IL10RA: variants seen among roughly 807,000 people sequenced by gnomAD.
The protein encoded by IL10RA is interleukin-10 receptor subunit alpha.
In IL10RA, 18 loss-of-function variants were observed where a neutral mutation model predicts 29.6. The ratio of observed to expected loss-of-function variants is 0.61; its 90% CI spans 0.42 to 0.90. The LOEUF is 0.90. IL10RA is among the 40% of genes least tolerant of loss of function. The pLI is 0.00. For missense variants in IL10RA, 634 were observed against 716.6 expected, an observed-to-expected ratio of 0.88 and a Z score of 1.32; for synonymous variants, 292 against 294.1, an observed-to-expected ratio of 0.99 and a Z score of 0.07.
chr11:117,986,467 G>C lies in IL10RA; in HGVS notation c.-1G>C. On this transcript the variant is annotated 5_prime_UTR_variant, in exon 1 of 7. Transcript: ENST00000227752. ...GCCCCGGACGATGCGGCGCGCCCAG[G>C]ATGCTGCCGTGCCTCGTAGTGCTGC... 6.4e-7 allele frequency: 1 copy of C among 1,553,352 alleles called. No individual in the cohort carries two copies. The highest frequency in any genetic ancestry group is 1.9e-5 in the Admixed American group (1 of 51,706).
chr11:117,993,488 C>A, intron 4 of IL10RA, 78 bp downstream of exon 4: 1 of 1,324,462 alleles, frequency 7.6e-7, no homozygotes, highest in Non-Finnish European at 1.1e-6. Context: ...CCCTTGTGTG[C>A]CATTGGGAAC....
intron 6 of IL10RA, among the ~76,000 whole-genome samples, chr11:117,997,419 C>A (rs565241971): frequency 6.6e-6 from 1 of 152,240 alleles, no homozygotes; most frequent in African/African-American, 2.4e-5. Flanking sequence ...GTCAGGGTGA[C>A]AAAGCTGATA....
Position 117,989,334 on chromosome 11 carries a change from C to T in IL10RA, c.189-108C>T, listed in dbSNP as rs1231885745. On this transcript the variant is annotated intron_variant, in intron 2 of 6. Coordinates refer to ENST00000227752, the MANE Select transcript of IL10RA (RefSeq NM_001558.4). This position sits in a 1 kb window ranked among gnomAD's most constrained non-coding sequence, Gnocchi z 4.5. ...AGAGGATATAGCCTGAGGGCTGTCCCAGTTTCTCCCAATGTGGGAGCTCTC... is the reference window on the plus strand; with the variant it reads ...AGAGGATATAGCCTGAGGGCTGTCCTAGTTTCTCCCAATGTGGGAGCTCTC... 2.0e-6 allele frequency: 2 copies of T among 994,078 alleles called. No homozygotes were observed. The highest frequency in any genetic ancestry group is 3.2e-5 in the African/African-American group (2 of 62,954). 61.6% of individuals were successfully genotyped at this position (994,078 alleles called of 1,614,324 possible). A position where few individuals can be genotyped will look rare whatever the true frequency, so the allele number is the denominator to read the frequency against.
At chr11:117,998,311 C>T (rs551898409) in intron 6 of IL10RA, among the ~76,000 whole-genome samples, 15 of 152,226 alleles carry the variant, frequency 9.9e-5, no homozygotes, top group African/African-American at 3.1e-4. Context: ...TATTTACATA[C>T]GGGTTATATA....
chr11:117,996,866 A>G (rs2058060345), intron 6 of IL10RA, among the ~76,000 whole-genome samples: 1 of 152,228 alleles, frequency 6.6e-6, no homozygotes, highest in African/African-American at 2.4e-5. Flanking sequence ...TATAGGCATG[A>G]GCCACCGCAC....
intron 5 of IL10RA, 41 bp downstream of exon 5, chr11:117,994,190 G>T (rs41369849): frequency 1.9e-6 from 3 of 1,600,776 alleles, no homozygotes; most frequent in Admixed American, 1.7e-5. Context: ...GAGGGAGACT[G>T]GGAGGGCCTG....
At chr11:117,995,758 G>T (rs201227975) in intron 6 of IL10RA, 48 bp downstream of exon 6, 1 of 1,599,314 alleles carries the variant, frequency 6.3e-7, no homozygotes, top group Non-Finnish European at 8.5e-7. Context: ...AGCCACACCC[G>T]AGCTTCCAGG....
intron 3 of IL10RA, among the ~76,000 whole-genome samples, chr11:117,992,406 T>C (rs1293931030): frequency 6.6e-6 from 1 of 152,220 alleles, no homozygotes. Flanking sequence ...TGTGGAGTGG[T>C]ATCTCATTGT....
rs773832918 is a variant in IL10RA at position 117,999,537 on chromosome 11, C to A, written c.1633C>A (p.Leu545Ile). 6.2e-7 allele frequency: 1 copy of A among 1,614,228 alleles called. No homozygotes were observed. The highest frequency in any genetic ancestry group is 8.5e-7 in the Non-Finnish European group (1 of 1,180,042). ...GISDWSFAHD[L>I]APLGCVAAPG... is the part of the protein sequence containing the mutation. ...ATCTGACTGGAGCTTTGCCCATGAC[C>A]TTGCCCCTCTAGGCTGTGTGGCAGC... The change falls in exon 7 of 7, where the codon CTT (leucine) becomes ATT (isoleucine). Residue 545 changes from leucine (L) to isoleucine (I), a missense_variant. Coordinates refer to ENST00000227752, the MANE Select transcript of IL10RA (RefSeq NM_001558.4).
At position 117,995,806 on chromosome 11, in the gene IL10RA, C is replaced by A. The variant is rs2058052287; in HGVS notation, c.810+96C>A. The A allele has an allele frequency of 6.2e-6, 8 of 1,289,986 alleles. No homozygotes were observed. The East Asian group carries it at 1.2e-4, about 20-fold the overall frequency. 79.9% of individuals were successfully genotyped at this position (1,289,986 alleles called of 1,614,324 possible). A position where few individuals can be genotyped will look rare whatever the true frequency, so the allele number is the denominator to read the frequency against. On this transcript the variant is annotated intron_variant, in intron 6 of 6. Coordinates refer to ENST00000227752, the MANE Select transcript of IL10RA (RefSeq NM_001558.4). ...TCTTTTCCTCCCAGCCAGTCCATTG[C>A]CTTAGCTTGCCTCTGCTCTCAGCCC...
intron 3 of IL10RA, among the ~76,000 whole-genome samples, chr11:117,990,599 A>G (rs1034373685): frequency 6.6e-6 from 1 of 152,208 alleles, no homozygotes; most frequent in African/African-American, 2.4e-5. Context: ...TTTCTTTAAA[A>G]TGCTAAAGTA....
chr11:118,002,869 C>T (rs535893931), downstream of IL10RA: 25 of 152,366 alleles, frequency 1.6e-4, no homozygotes, highest in African/African-American at 6.0e-4. Flanking sequence ...AAGGCCCCAG[C>T]TGTTCTTCAA....
chr11:117,986,593 A>C (rs554848434), intron 1 of IL10RA, 59 bp downstream of exon 1: 2 of 1,547,416 alleles, frequency 1.3e-6, no homozygotes, highest in Non-Finnish European at 1.7e-6. Flanking sequence ...GCTCCATTAA[A>C]GTTCTCCATC....
chr11:118,002,646 A>G (rs765815118), downstream of IL10RA: 11 of 152,282 alleles, frequency 7.2e-5, no homozygotes, highest in Admixed American at 1.3e-4. Context: ...GACAGAAGGA[A>G]GTCAGAAGAC....
chr11:117,993,943 T>G (rs2058040320), intron 4 of IL10RA, 56 bp from the exon 5 acceptor site: 1 of 1,515,512 alleles, frequency 6.6e-7, no homozygotes, highest in South Asian at 1.1e-5. Flanking sequence ...CAGCTCTCAG[T>G]GTCCGTGTGC....
Position 117,989,808 on chromosome 11 carries a change from A to G in IL10RA, c.367+188A>G. 1.5e-6 allele frequency: 1 copy of G among 673,112 alleles called. No individual in the cohort carries two copies. 41.7% of individuals were successfully genotyped at this position (673,112 alleles called of 1,614,324 possible). A position where few individuals can be genotyped will look rare whatever the true frequency, so the allele number is the denominator to read the frequency against. On this transcript the variant is annotated intron_variant, in intron 3 of 6. Transcript: ENST00000227752. This position sits in a 1 kb window ranked among gnomAD's most constrained non-coding sequence, Gnocchi z 4.5. Reference sequence around the variant, plus strand: ...ATAAAAATAGCCCAAGTTGTTTGAGATTTAAAAGGGAACTGGAGTTGTTTA... The same window carrying G: ...ATAAAAATAGCCCAAGTTGTTTGAGGTTTAAAAGGGAACTGGAGTTGTTTA...
At chr11:117,987,775 CA>C in intron 1 of IL10RA, 4 of 169,478 alleles carry the variant, frequency 2.4e-5, no homozygotes, top group Admixed American at 5.7e-5. Flanking sequence ...TGTGTAGAGC[CA>C]GAGCTGATTT....
chr11:117,988,624 T>G (rs542657319), intron 2 of IL10RA, 122 bp downstream of exon 2: 3 of 1,118,266 alleles, frequency 2.7e-6, no homozygotes, highest in South Asian at 1.3e-5. Context: ...CCCTAACACA[T>G]AGCCAGCAGT....
intron 3 of IL10RA, chr11:117,993,032 G>T (rs545659726): frequency 5.2e-6 from 3 of 580,044 alleles, no homozygotes; most frequent in Non-Finnish European, 9.3e-6. Flanking sequence ...ATATTCCATT[G>T]GTTGATGCAT....
Sources: gnomAD v4.1 joint callset for allele counts (sites outside exome capture counted in the v4.1 genomes callset) on GRCh38, gnomAD v4.1.1 for gene constraint, Gnocchi (gnomAD v3.1) non-coding constraint, MANE v1.5 for transcripts, NCBI Gene and HGNC (gene_info 2026-07-23, HGNC 2026-07-21) for gene names.